MKKS: variants seen among roughly 807,000 people sequenced by gnomAD.
MKKS encodes molecular chaperone MKKS.
In MKKS, 29 loss-of-function variants were observed where a neutral mutation model predicts 33.2. The ratio of observed to expected loss-of-function variants is 0.87; its 90% CI spans 0.65 to 1.19. The LOEUF is 1.19. Ranked by LOEUF, MKKS falls within the 50% of genes most tolerant of loss-of-function variation. The pLI, the probability that MKKS is intolerant of heterozygous loss-of-function variation, is 0.00. For missense variants in MKKS, 661 were observed against 662.3 expected (o/e 1.00, Z 0.02); for synonymous variants, 260 against 244.0 (o/e 1.07, Z -0.61).
intron 2 of MKKS, among the ~76,000 whole-genome samples, chr20:10,417,521 G>A (rs1000992402): frequency 3.9e-5 from 6 of 152,186 alleles, no homozygotes; most frequent in African/African-American, 1.4e-4. Context: ...TGAGGCTGGA[G>A]GATGGCCTGT....
At chr20:10,410,237 C>T (rs2064873190) in intron 3 of MKKS, among the ~76,000 whole-genome samples, 1 of 152,134 alleles carries the variant, frequency 6.6e-6, no homozygotes, top group Non-Finnish European at 1.5e-5. Context: ...CCACTGGATG[C>T]TGTCACTCAT....
At chr20:10,411,714 G>T (rs1015178190) in intron 3 of MKKS, among the ~76,000 whole-genome samples, 1 of 152,058 alleles carries the variant, frequency 6.6e-6, no homozygotes, top group African/African-American at 2.4e-5. Context: ...TTTAAGTCTA[G>T]TAACTTAAAA....
In MKKS at chr20:10,401,040, A is replaced by C. The variant is rs1348140262; in HGVS notation, c.*4207T>G. 1 of 152,152 alleles carries C rather than the reference A, an allele frequency of 6.6e-6. No homozygotes were observed. The highest frequency in any genetic ancestry group is 1.5e-5 in the Non-Finnish European group (1 of 68,034). 9.4% of individuals were successfully genotyped at this position (152,152 alleles called of 1,614,324 possible). ...TGGCTAAAATAAGATGTTTATTATAAGTATTTTCTCAAAGAGAATTTTTAA... is the reference window on the plus strand; with the variant it reads ...TGGCTAAAATAAGATGTTTATTATACGTATTTTCTCAAAGAGAATTTTTAA... On this transcript the variant is annotated 3_prime_UTR_variant, in exon 6 of 6. Coordinates refer to ENST00000347364, the MANE Select transcript of MKKS (RefSeq NM_170784.3).
At chr20:10,419,113 C>T (rs912143768) in intron 2 of MKKS, among the ~76,000 whole-genome samples, 14 of 151,946 alleles carry the variant, frequency 9.2e-5, no homozygotes, top group Admixed American at 5.2e-4. Context: ...AATCTCAGAC[C>T]AAGGCTTATA....
chr20:10,405,657 C>T lies in MKKS; in HGVS notation c.1303G>A (p.Asp435Asn), dbSNP rs1274372698. The change falls in exon 6 of 6, where the codon GAT becomes AAT. Residue 435 changes from aspartate to asparagine, a missense_variant. By Grantham distance (23) the Asp-to-Asn change is conservative. Transcript: ENST00000347364. ...THNDPESILK[D>N]DECTQTELQL... is the part of the protein sequence containing the mutation. ...AGTTCTGTTTGAGTACATTCATCAT[C>T]TTTGAGAATGCTTTCTGGGTCGTTG... The T allele has an allele frequency of 1.2e-6, 2 of 1,614,036 alleles. No homozygotes were observed. The highest frequency in any genetic ancestry group is 1.1e-5 in the South Asian group (1 of 91,076).
chr20:10,416,490 TGAC>T (rs1484542131), intron 2 of MKKS, among the ~76,000 whole-genome samples: 1 of 150,962 alleles, frequency 6.6e-6, no homozygotes, highest in African/African-American at 2.4e-5. Flanking sequence ...AAAAAAAACA[TGAC>T]GACAGCAACA....
Position 10,412,664 on chromosome 20 carries a change from A to C in MKKS, c.851T>G (p.Ile284Ser), listed in dbSNP as rs1446394117. The C allele has an allele frequency of 1.9e-6, 3 of 1,614,208 alleles. No homozygotes were observed. The Admixed American group carries it at 5.0e-5, about 27-fold the overall frequency. The change falls in exon 3 of 6, where the codon ATC becomes AGC. Residue 284 changes from isoleucine to serine, a missense_variant. Coordinates refer to ENST00000347364, the MANE Select transcript of MKKS (RefSeq NM_170784.3). Reference sequence around the variant, plus strand: ...CAGGACAAGATCTACGTGGTCACTGATTAGCTGCCTTCCTAGGTTAAGCAG... The same window carrying C: ...CAGGACAAGATCTACGTGGTCACTGCTTAGCTGCCTTCCTAGGTTAAGCAG... Reference protein sequence around the residue: ...DQLLNLGRQLISDHVDLVLCQ... With the variant: ...DQLLNLGRQLSSDHVDLVLCQ...
intron 1 of MKKS, among the ~76,000 whole-genome samples, chr20:10,422,501 G>A (rs1052666887): frequency 2.0e-5 from 3 of 152,076 alleles, no homozygotes; most frequent in Non-Finnish European, 4.4e-5. Context: ...AGAGTAAGGA[G>A]GGAAGAATTC....
In MKKS at chr20:10,402,249, A is replaced by G. The variant is rs1161843203; in HGVS notation, c.*2998T>C. ...AGACCTCAATCTTACTTTAAGTCAC[A>G]AAACACTGCCTGAGGCTTACCTTAG... is the stretch of plus-strand genomic sequence containing the variant. On this transcript the variant is annotated 3_prime_UTR_variant, in exon 6 of 6. Transcript: ENST00000347364. 2 of 152,202 alleles carry G rather than the reference A, an allele frequency of 1.3e-5. No homozygotes were observed. The allele number at this position is 152,202 out of a possible 1,614,324, so 9.4% of individuals were successfully genotyped here.
intron 1 of MKKS, among the ~76,000 whole-genome samples, chr20:10,423,146 A>G (rs1198982693): frequency 6.6e-6 from 1 of 152,184 alleles, no homozygotes; most frequent in African/African-American, 2.4e-5. Context: ...GCTTATAAAA[A>G]GAGATTAGGG....
intron 1 of MKKS, among the ~76,000 whole-genome samples, chr20:10,421,416 C>CAAA (rs57038274): frequency 1.2e-5 from 1 of 86,106 alleles, no homozygotes; most frequent in Admixed American, 1.2e-4. Context: ...GACTCCATCA[C>CAAA]AAAAAAAAAA....
At chr20:10,422,387 A>C (rs2064986723) in intron 1 of MKKS, among the ~76,000 whole-genome samples, 1 of 152,230 alleles carries the variant, frequency 6.6e-6, no homozygotes, top group African/African-American at 2.4e-5. Flanking sequence ...TTTAGAGGGA[A>C]TCAATTACAA....
At chr20:10,415,424 T>A (rs112710388) in intron 2 of MKKS, among the ~76,000 whole-genome samples, 34 of 152,326 alleles carry the variant, frequency 2.2e-4, no homozygotes, top group African/African-American at 7.5e-4. Flanking sequence ...TTGGTTACCA[T>A]TCCCAATTTA....
chr20:10,416,696 G>C (rs1300791387), intron 2 of MKKS, among the ~76,000 whole-genome samples: 1 of 152,188 alleles, frequency 6.6e-6, no homozygotes, highest in Non-Finnish European at 1.5e-5. Context: ...AGTTGTTCCA[G>C]CTAATAAATG....
intron 1 of MKKS, among the ~76,000 whole-genome samples, chr20:10,429,904 T>G (rs986901544): frequency 6.6e-6 from 1 of 152,146 alleles, no homozygotes; most frequent in Non-Finnish European, 1.5e-5. Flanking sequence ...AACTCTAGGG[T>G]GGGGTCCAGT....
In MKKS at chr20:10,413,890, C is replaced by A; in HGVS notation, c.-376G>T. 1 of 422,314 alleles carries A rather than the reference C, an allele frequency of 2.4e-6. No homozygotes were observed. Among genetic ancestry groups the A allele is most frequent in the Non-Finnish European group, 4.2e-6 (1 of 239,216 alleles). 26.2% of individuals were successfully genotyped at this position (422,314 alleles called of 1,614,324 possible). Reference sequence around the variant, plus strand: ...CTAATCCAACTGGTATTTTTCATCTCTTCTTTCGATATGAAGCTCAGATTC... The same window carrying A: ...CTAATCCAACTGGTATTTTTCATCTATTCTTTCGATATGAAGCTCAGATTC... On this transcript the variant is annotated 5_prime_UTR_variant, in exon 3 of 6. Transcript: ENST00000347364.
In MKKS at chr20:10,414,559, C is replaced by T. The variant is rs375877166; in HGVS notation, c.-417-628G>A. Among the ~76,000 whole-genome samples, 6 of 152,150 alleles carry T rather than the reference C, an allele frequency of 3.9e-5. No homozygotes were observed. In the East Asian group the frequency reaches 5.8e-4, roughly 15 times the overall value. Reference sequence around the variant, plus strand: ...GGATTACAAGCGTGAGCCACTGTGCCCGGCAAGTCTCTGAGTCTTAAAAGA... The same window carrying T: ...GGATTACAAGCGTGAGCCACTGTGCTCGGCAAGTCTCTGAGTCTTAAAAGA... On this transcript the variant is annotated intron_variant, in intron 2 of 5. Coordinates refer to ENST00000347364, the MANE Select transcript of MKKS (RefSeq NM_170784.3).
chr20:10,418,402 T>C (rs546499232), intron 2 of MKKS, among the ~76,000 whole-genome samples: 60 of 152,336 alleles, frequency 3.9e-4, no homozygotes, highest in Non-Finnish European at 7.4e-4. Context: ...GGCATGTATG[T>C]AATTTTCCAT....
intron 1 of MKKS, among the ~76,000 whole-genome samples, chr20:10,433,052 G>A (rs1240724508): frequency 2.6e-5 from 4 of 152,202 alleles, no homozygotes; most frequent in Non-Finnish European, 5.9e-5. Context: ...CGCCCAACCT[G>A]GAGTGCAGTG....
Sources: gnomAD v4.1 joint callset for allele counts (sites outside exome capture counted in the v4.1 genomes callset) on GRCh38, gnomAD v4.1.1 for gene constraint, MANE v1.5 for transcripts, NCBI Gene and HGNC (gene_info 2026-07-23, HGNC 2026-07-21) for gene names.